Variants in NREP observed in about 807,000 individuals in gnomAD.
NREP encodes neuronal regeneration related protein.
Under a neutral mutation model 8.6 loss-of-function variants are expected in NREP, and 5 were observed. The observed-to-expected ratio is 0.58, with a 90% CI of 0.30 to 1.22. The LOEUF (loss-of-function observed/expected upper bound fraction) is 1.22. Ranked by LOEUF, NREP falls within the 50% of genes most tolerant of loss-of-function variation. The pLI is 0.07. For synonymous variants in NREP, 27 were observed against 28.0 expected (o/e 0.96, Z 0.11); for missense variants, 86 against 82.5 (o/e 1.04, Z -0.17).
In NREP at chr5:111,889,318, A is replaced by T. The variant is rs374139395; in HGVS notation, c.135+85956T>A. Among the ~76,000 whole-genome samples, 3 of 152,144 alleles carry T rather than the reference A, an allele frequency of 2.0e-5. No homozygotes were observed. The East Asian group carries it at 5.8e-4, about 29-fold the overall frequency. Reference sequence around the variant, plus strand: ...ACACACTTTTACACAATCAGATCTCATGATAACTCACTCACTATACCAAAG... The same window carrying T: ...ACACACTTTTACACAATCAGATCTCTTGATAACTCACTCACTATACCAAAG... On this transcript the variant is annotated intron_variant, in intron 2 of 3. Coordinates refer to the NREP transcript ENST00000395634.
exon 1 of NREP, chr5:111,976,878 T>C (rs1407805071): frequency 4.8e-6 from 3 of 629,732 alleles, no homozygotes; most frequent in South Asian, 2.0e-5. Flanking sequence ...ATAAATAGCA[T>C]GATTGCACTG....
intron 2 of NREP, among the ~76,000 whole-genome samples, chr5:111,847,848 C>A (rs1241589122): frequency 6.6e-6 from 1 of 152,182 alleles, no homozygotes; most frequent in Non-Finnish European, 1.5e-5. Context: ...CATAAGCTAG[C>A]CAAAACCACT....
intron 3 of NREP, chr5:111,733,386 G>C (rs1028236931): frequency 6.6e-6 from 1 of 152,124 alleles, no homozygotes; most frequent in Non-Finnish European, 1.5e-5. Context: ...CATGCCCGTG[G>C]AGAGAGGTGC....
intron 2 of NREP, among the ~76,000 whole-genome samples, chr5:111,742,272 C>T (rs1369663968): frequency 2.6e-5 from 4 of 152,080 alleles, no homozygotes. Context: ...ACAAGCTTTG[C>T]AGACTTTAAT....
chr5:111,883,298 T>C (rs1353761556), intron 2 of NREP, among the ~76,000 whole-genome samples: 1 of 152,142 alleles, frequency 6.6e-6, no homozygotes, highest in Non-Finnish European at 1.5e-5. Context: ...GTGCACCCAA[T>C]ACAGGAGCAC....
chr5:111,798,415 G>T (rs186957752), intron 2 of NREP, among the ~76,000 whole-genome samples: 2 of 152,018 alleles, frequency 1.3e-5, no homozygotes, highest in Admixed American at 6.5e-5. Context: ...GGTGGTATTT[G>T]GTTACATAAG....
chr5:111,802,632 T>C (rs1752040671), intron 2 of NREP, among the ~76,000 whole-genome samples: 1 of 152,220 alleles, frequency 6.6e-6, no homozygotes, highest in African/African-American at 2.4e-5. Flanking sequence ...TCACCTGAAG[T>C]GCATCCCATT....
intron 2 of NREP, among the ~76,000 whole-genome samples, chr5:111,867,512 A>G (rs1455196264): frequency 6.6e-6 from 1 of 152,112 alleles, no homozygotes; most frequent in Admixed American, 6.6e-5. Context: ...CTTACTCCTA[A>G]AAACCTTATC....
At chr5:111,755,619 A>C in intron 2 of NREP, 151 bp downstream of exon 2, 7 of 827,478 alleles carry the variant, frequency 8.5e-6, no homozygotes, top group Non-Finnish European at 1.5e-5. Context: ...CTGTACTGCA[A>C]CGCTCCCAGG....
intron 2 of NREP, among the ~76,000 whole-genome samples, chr5:111,784,959 A>G (rs974144067): frequency 6.6e-6 from 1 of 152,130 alleles, no homozygotes; most frequent in Admixed American, 6.5e-5. Context: ...GCTCTAGCCA[A>G]GGGAAGGCTT....
rs572744308 is a variant in NREP at position 111,832,363 on chromosome 5, A to C, written c.136-96856T>G. Reference sequence around the variant, plus strand: ...CGAAACCCCACCTTTACAGAAAAACAAACAACAACAACAACAAAACATTAG... The same window carrying C: ...CGAAACCCCACCTTTACAGAAAAACCAACAACAACAACAACAAAACATTAG... On this transcript the variant is annotated intron_variant, in intron 2 of 3. Coordinates refer to the NREP transcript ENST00000395634. 2.6e-5 allele frequency among the ~76,000 whole-genome samples: 4 copies of C among 152,142 alleles called. No individual in the cohort carries two copies. The East Asian group carries it at 7.8e-4, about 30-fold the overall frequency.
At chr5:111,758,194 G>C (rs1253078641), upstream of NREP, 1 of 985,460 alleles carries the variant, frequency 1.0e-6, no homozygotes, top group East Asian at 1.1e-4. Flanking sequence ...TGAAGGCCGG[G>C]CCCAGAGGTC....
intron 2 of NREP, among the ~76,000 whole-genome samples, chr5:111,881,093 G>T (rs148849783): frequency 2.6e-5 from 4 of 152,138 alleles, no homozygotes; most frequent in African/African-American, 9.7e-5. Flanking sequence ...GGTGACAGAC[G>T]GCACCTGGAA....
chr5:111,828,611 T>G (rs1164784209), intron 2 of NREP, among the ~76,000 whole-genome samples: 1 of 152,076 alleles, frequency 6.6e-6, no homozygotes, highest in Non-Finnish European at 1.5e-5. Context: ...TACCGTTGAT[T>G]GCTTTGGAAA....
chr5:111,818,809 A>G (rs1033044090), intron 2 of NREP, among the ~76,000 whole-genome samples: 8 of 152,220 alleles, frequency 5.3e-5, no homozygotes, highest in African/African-American at 1.4e-4. Context: ...GTATTTTTGT[A>G]CAGATTTTAC....
intron 2 of NREP, among the ~76,000 whole-genome samples, chr5:111,840,267 G>A (rs1752997510): frequency 6.6e-6 from 1 of 151,996 alleles, no homozygotes; most frequent in Non-Finnish European, 1.5e-5. Flanking sequence ...AGAAGTCTTT[G>A]TATGCTCGGG....
chr5:111,816,052 G>T (rs183972271), intron 2 of NREP, among the ~76,000 whole-genome samples: 132 of 152,288 alleles, frequency 8.7e-4, no homozygotes, highest in Non-Finnish European at 1.6e-3. Flanking sequence ...AAGCCAGAAG[G>T]TAATCAAATG....
intron 2 of NREP, among the ~76,000 whole-genome samples, chr5:111,956,164 AC>A (rs1179668616): frequency 6.6e-6 from 1 of 152,124 alleles, no homozygotes; most frequent in Non-Finnish European, 1.5e-5. Flanking sequence ...AACCTCTACA[AC>A]CCAGGACAGA....
chr5:111,746,207 T>C lies in NREP; in HGVS notation c.3+9563A>G, dbSNP rs549098019. 5.9e-5 allele frequency among the ~76,000 whole-genome samples: 9 copies of C among 152,200 alleles called. No homozygotes were observed. The South Asian group carries it at 1.5e-3, about 25-fold the overall frequency. On this transcript the variant is annotated intron_variant, in intron 2 of 3. Coordinates refer to ENST00000257435, the MANE Select transcript of NREP (RefSeq NM_004772.4). ...CCAGTGTAGACAGTCAAGCCTCATA[T>C]AGTAAAATTAAAGTTCAAAAAGTGG... is the stretch of plus-strand genomic sequence containing the variant.
Sources: gnomAD v4.1 joint callset for allele counts (sites outside exome capture counted in the v4.1 genomes callset) on GRCh38, gnomAD v4.1.1 for gene constraint, MANE v1.5 for transcripts, NCBI Gene and HGNC (gene_info 2026-07-23, HGNC 2026-07-21) for gene names.